Variants in FABP12 observed in about 807,000 individuals in gnomAD.
The protein encoded by FABP12 is fatty acid binding protein 12.
A neutral mutation model predicts 13.7 loss-of-function variants in FABP12; 19 were observed. That is an observed-to-expected ratio of 1.39 (90% CI 0.97 to 2.04). The LOEUF (loss-of-function observed/expected upper bound fraction) is 2.04, where lower values mean the gene tolerates loss of function less well. FABP12 is among the 30% of genes most tolerant of loss of function. The probability of loss-of-function intolerance (pLI) is 0.00; values close to 1 mark genes in which losing one functional copy is unlikely to be tolerated. For synonymous variants in FABP12, 61 were observed against 57.0 expected (o/e 1.07, Z -0.32); for missense variants, 182 against 164.2 (o/e 1.11, Z -0.59).
At chr8:81,578,749 G>C (rs528695974) in intron 1 of FABP12, among the ~76,000 whole-genome samples, 6 of 150,652 alleles carry the variant, frequency 4.0e-5, no homozygotes, top group African/African-American at 1.5e-4. Context: ...CTCCTAAAGT[G>C]CTGGGATTAC....
intron 1 of FABP12, among the ~76,000 whole-genome samples, chr8:81,568,606 T>G (rs1809869809): frequency 1.3e-5 from 2 of 152,276 alleles, no homozygotes; most frequent in East Asian, 1.9e-4. Context: ...AACTACCACA[T>G]GATGCAGCAA....
At chr8:81,587,597 G>A (rs1810259523) in intron 1 of FABP12, among the ~76,000 whole-genome samples, 1 of 151,928 alleles carries the variant, frequency 6.6e-6, no homozygotes, top group Admixed American at 6.6e-5. Context: ...CACGAGTAAT[G>A]CCCAAACTGA....
At chr8:81,548,140 T>G in intron 1 of FABP12, among the ~76,000 whole-genome samples, 1 of 152,224 alleles carries the variant, frequency 6.6e-6, no homozygotes, top group East Asian at 1.9e-4. Flanking sequence ...GGAGAACTTC[T>G]AAAACATACT....
chr8:81,533,001 C>G (rs2129959790), intron 1 of FABP12: 1 of 152,316 alleles, frequency 6.6e-6, no homozygotes, highest in South Asian at 2.1e-4. Flanking sequence ...CAGGATTTTT[C>G]AAGAAAATGT....
At chr8:81,548,502 G>A (rs928585080) in intron 1 of FABP12, among the ~76,000 whole-genome samples, 1 of 152,178 alleles carries the variant, frequency 6.6e-6, no homozygotes, top group Non-Finnish European at 1.5e-5. Context: ...TTTAAATAAA[G>A]GGAATGTCGA....
At chr8:81,561,630 G>T (rs1488058087) in intron 1 of FABP12, among the ~76,000 whole-genome samples, 1 of 152,210 alleles carries the variant, frequency 6.6e-6, no homozygotes, top group Non-Finnish European at 1.5e-5. Flanking sequence ...GAATCTGTGT[G>T]CATGGGGGAA....
intron 1 of FABP12, among the ~76,000 whole-genome samples, chr8:81,549,192 ATCTC>A (rs1209457912): frequency 6.7e-6 from 1 of 149,300 alleles, no homozygotes; most frequent in African/African-American, 2.5e-5. Flanking sequence ...ATCTCTTTCA[ATCTC>A]TCTCTCTCTT....
chr8:81,529,374 A>T, intron 3 of FABP12, 64 bp downstream of exon 3: 2 of 1,511,854 alleles, frequency 1.3e-6, no homozygotes, highest in Non-Finnish European at 1.8e-6. Context: ...TTGCTTACTT[A>T]CCGAGGATGA....
At chr8:81,530,591 C>G (rs1585835011) in intron 2 of FABP12, among the ~76,000 whole-genome samples, 1 of 152,170 alleles carries the variant, frequency 6.6e-6, no homozygotes, top group East Asian at 1.9e-4. Flanking sequence ...AAAACACAAT[C>G]ACAGGATGTG....
At chr8:81,586,952 CTTGAG>C (rs1276530182) in intron 1 of FABP12, among the ~76,000 whole-genome samples, 1 of 152,110 alleles carries the variant, frequency 6.6e-6, no homozygotes, top group Non-Finnish European at 1.5e-5. Context: ...TTTAATCTCT[CTTGAG>C]TTAATTTTTG....
chr8:81,541,165 C>CAA (rs35883271), intron 1 of FABP12, among the ~76,000 whole-genome samples: 180 of 91,358 alleles, frequency 2.0e-3, no homozygotes, highest in African/African-American at 5.8e-3. Flanking sequence ...GACTCTGTCT[C>CAA]AAAAAAAAAA....
intron 1 of FABP12, among the ~76,000 whole-genome samples, chr8:81,556,871 G>A (rs1476705820): frequency 1.4e-5 from 2 of 142,888 alleles, no homozygotes; most frequent in Non-Finnish European, 3.0e-5. Context: ...TGGAAGGGAA[G>A]TGTACATCTT....
chr8:81,525,529 A>AAAT, intron 4 of FABP12, among the ~76,000 whole-genome samples: 1 of 149,976 alleles, frequency 6.7e-6, no homozygotes, highest in Non-Finnish European at 1.5e-5. Flanking sequence ...AAAAAAAAAA[A>AAAT]ATAGATAGAT....
intron 1 of FABP12, among the ~76,000 whole-genome samples, chr8:81,585,581 T>C (rs888908277): frequency 6.6e-6 from 1 of 152,314 alleles, no homozygotes; most frequent in South Asian, 2.1e-4. Context: ...TGTGGTTCCA[T>C]ATAAATTTTA....
chr8:81,569,816 C>T (rs1389737116), intron 1 of FABP12, among the ~76,000 whole-genome samples: 1 of 152,172 alleles, frequency 6.6e-6, no homozygotes, highest in African/African-American at 2.4e-5. Context: ...ATTATTGTTA[C>T]GGGATCTTTG....
chr8:81,561,785 GT>G (rs1809727735), intron 1 of FABP12, among the ~76,000 whole-genome samples: 1 of 152,168 alleles, frequency 6.6e-6, no homozygotes, highest in African/African-American at 2.4e-5. Flanking sequence ...CCATCCCAGT[GT>G]TTGGAACCTG....
chr8:81,539,402 T>C (rs891919587), intron 2 of FABP12, among the ~76,000 whole-genome samples: 2 of 148,440 alleles, frequency 1.3e-5, no homozygotes, highest in East Asian at 1.9e-4. Flanking sequence ...GAAGTTCATG[T>C]AAGAAAAACA....
chr8:81,532,692 G>C (rs1235521619), intron 1 of FABP12, among the ~76,000 whole-genome samples: 1 of 152,168 alleles, frequency 6.6e-6, no homozygotes, highest in Non-Finnish European at 1.5e-5. Context: ...ATGGTGCAAC[G>C]CACCTGTAGT....
intron 1 of FABP12, among the ~76,000 whole-genome samples, chr8:81,549,435 T>C (rs1809491857): frequency 6.6e-6 from 1 of 152,226 alleles, no homozygotes; most frequent in South Asian, 2.1e-4. Context: ...AGAGTACAGA[T>C]GTTGCCTTCG....
Sources: allele counts gnomAD v4.1 joint callset (sites outside exome capture counted in the v4.1 genomes callset), GRCh38; gene constraint gnomAD v4.1.1; transcripts MANE v1.5; gene names NCBI Gene and HGNC (gene_info 2026-07-23, HGNC 2026-07-21).